AGTPBP1: variants seen among roughly 807,000 people sequenced by gnomAD.
AGTPBP1 encodes the protein ATP/GTP binding carboxypeptidase 1, also known as cytosolic carboxypeptidase 1.
Under a neutral mutation model 143.9 loss-of-function variants are expected in AGTPBP1, and 70 were observed. That is an observed-to-expected ratio of 0.49 (90% CI 0.40 to 0.59). AGTPBP1 has a LOEUF of 0.59. Among genes scored for constraint, AGTPBP1 ranks in the 20% least tolerant of loss-of-function variants. AGTPBP1 has a pLI of 0.00. For missense variants in AGTPBP1, 1,229 were observed against 1,464.5 expected (o/e 0.84, Z 2.62); for synonymous variants, 463 against 500.2 (o/e 0.93, Z 0.99).
chr9:85,689,925 A>AATATATATATATATATATATATATATAT (rs1554726691), intron 3 of AGTPBP1, among the ~76,000 whole-genome samples: 1 of 72,510 alleles, frequency 1.4e-5, no homozygotes, highest in Non-Finnish European at 2.4e-5. Context: ...AAAAAAAAAA[A>AATATATATATATATATATATATATATAT]ATATATATAT....
chr9:85,793,000 T>C, the AGTPBP1 span, among the ~76,000 whole-genome samples: 2 of 152,178 alleles, frequency 1.3e-5, no homozygotes, highest in African/African-American at 2.4e-5. Context: ...TAGTTATGTA[T>C]GTTTCAACAG....
chr9:85,625,567 T>G (rs1428165317), intron 14 of AGTPBP1, among the ~76,000 whole-genome samples: 1 of 152,174 alleles, frequency 6.6e-6, no homozygotes, highest in Non-Finnish European at 1.5e-5. Context: ...AAAGTGTAAT[T>G]TATAATAAAA....
intron 3 of AGTPBP1, among the ~76,000 whole-genome samples, chr9:85,689,925 A>AATATATATATATATATAT (rs1554726691): frequency 1.1e-4 from 8 of 72,500 alleles, no homozygotes; most frequent in African/African-American, 5.5e-4. Flanking sequence ...AAAAAAAAAA[A>AATATATATATATATATAT]ATATATATAT....
At position 85,633,320 on chromosome 9, in the gene AGTPBP1, G is replaced by A. The variant is rs1831814019; in HGVS notation, c.1357C>T (p.Arg453Cys). ...PKPFVFEGKV[R>C]GPIVVPTAGE... is the part of the protein sequence containing the mutation. The stretch of plus-strand genomic sequence containing the variant: ...GCCGTAGGAACAACAATAGGACCAC[G>A]TACTTTTCCCTCAAATACAAAAGGC... The change falls in exon 14 of 26, where the codon CGT becomes TGT. Residue 453 changes from arginine to cysteine, a missense_variant. By Grantham distance (180) the Arg-to-Cys change is radical. Coordinates refer to ENST00000357081, the MANE Select transcript of AGTPBP1 (RefSeq NM_001330701.2). 1.2e-6 allele frequency: 2 copies of A among 1,600,512 alleles called. No individual in the cohort carries two copies. Among genetic ancestry groups the A allele is most frequent in the Non-Finnish European group, 1.7e-6 (2 of 1,176,604 alleles).
chr9:85,578,489 A>G (rs1236938523), intron 24 of AGTPBP1, among the ~76,000 whole-genome samples: 19 of 152,326 alleles, frequency 1.2e-4, no homozygotes, highest in Non-Finnish European at 2.4e-4. Flanking sequence ...AATAATAGCT[A>G]CACATACAAA....
intron 2 of AGTPBP1, among the ~76,000 whole-genome samples, chr9:85,699,372 A>G (rs945649362): frequency 6.6e-6 from 1 of 152,180 alleles, no homozygotes; most frequent in East Asian, 1.9e-4. Flanking sequence ...GCTTATATTC[A>G]ATCTTGGAGC....
intron 25 of AGTPBP1, among the ~76,000 whole-genome samples, chr9:85,573,074 C>T (rs1021206053): frequency 6.6e-6 from 1 of 151,654 alleles, no homozygotes; most frequent in Admixed American, 6.6e-5. Context: ...TGAACTCCCT[C>T]TCCCTCTCCC....
At chr9:85,600,373 G>A (rs1439382874) in intron 17 of AGTPBP1, among the ~76,000 whole-genome samples, 1 of 152,024 alleles carries the variant, frequency 6.6e-6, no homozygotes, top group East Asian at 1.9e-4. Flanking sequence ...ACAGAGGAGG[G>A]GCTTCAAGAT....
chr9:85,717,863 G>A (rs1587968603), intron 1 of AGTPBP1, among the ~76,000 whole-genome samples: 1 of 151,516 alleles, frequency 6.6e-6, no homozygotes. Flanking sequence ...GGAGTGTGAT[G>A]TTCCCCGCCC....
intron 12 of AGTPBP1, among the ~76,000 whole-genome samples, chr9:85,643,878 AAG>A (rs1161884657): frequency 6.6e-6 from 1 of 152,200 alleles, no homozygotes; most frequent in African/African-American, 2.4e-5. Flanking sequence ...GTTATGGCTG[AAG>A]AGAGATAATA....
intron 1 of AGTPBP1, among the ~76,000 whole-genome samples, chr9:85,714,134 A>G (rs1449167996): frequency 1.3e-5 from 2 of 152,270 alleles, no homozygotes; most frequent in Non-Finnish European, 2.9e-5. Flanking sequence ...CTTGCAGTTC[A>G]CAGTAAAATA....
intron 2 of AGTPBP1, among the ~76,000 whole-genome samples, chr9:85,706,645 C>T (rs1261690111): frequency 2.6e-5 from 4 of 151,416 alleles, no homozygotes; most frequent in Non-Finnish European, 5.9e-5. Flanking sequence ...CTGAGGCGGG[C>T]GGATCACGAC....
At chr9:85,695,534 T>C (rs1405487426) in intron 2 of AGTPBP1, among the ~76,000 whole-genome samples, 1 of 152,134 alleles carries the variant, frequency 6.6e-6, no homozygotes, top group Admixed American at 6.5e-5. Context: ...TGCAGCAAAA[T>C]GAAGGCAGTG....
At chr9:85,719,214 T>G (rs1192499595) in intron 1 of AGTPBP1, among the ~76,000 whole-genome samples, 1 of 152,206 alleles carries the variant, frequency 6.6e-6, no homozygotes, top group African/African-American at 2.4e-5. Context: ...AAGTCATCGG[T>G]AGCTTGATGG....
At chr9:85,615,261 C>T (rs907735037) in intron 17 of AGTPBP1, among the ~76,000 whole-genome samples, 3 of 152,212 alleles carry the variant, frequency 2.0e-5, no homozygotes, top group African/African-American at 4.8e-5. Flanking sequence ...CACTGTAGTA[C>T]CCATTTTCCC....
chr9:85,658,875 A>T (rs1031728277), intron 9 of AGTPBP1, among the ~76,000 whole-genome samples: 4 of 152,158 alleles, frequency 2.6e-5, no homozygotes, highest in African/African-American at 9.7e-5. Context: ...GGCTGTGGCT[A>T]TTTACAAAAT....
Position 85,696,030 on chromosome 9 carries a change from C to T in AGTPBP1, c.33-3217G>A, listed in dbSNP as rs560889866. On this transcript the variant is annotated intron_variant, in intron 2 of 25. Coordinates refer to ENST00000357081, the MANE Select transcript of AGTPBP1 (RefSeq NM_001330701.2). ...CTAATTTTTATATTTTTAGTAGAGA[C>T]GGGGTTTCACCACGTTGGTCAGGCT... Among the ~76,000 whole-genome samples, 8 of 151,888 alleles carry T rather than the reference C, an allele frequency of 5.3e-5. 1 individual carries two copies. The highest frequency in any genetic ancestry group is 1.9e-4 in the East Asian group (1 of 5,144).
intron 19 of AGTPBP1, among the ~76,000 whole-genome samples, chr9:85,590,660 G>T (rs1367918451): frequency 1.3e-5 from 2 of 152,254 alleles, no homozygotes; most frequent in East Asian, 3.9e-4. Context: ...GTAATAAGGG[G>T]AGGGGAGCCT....
chr9:85,651,354 T>C (rs968044108), intron 11 of AGTPBP1, among the ~76,000 whole-genome samples: 3 of 152,246 alleles, frequency 2.0e-5, no homozygotes, highest in African/African-American at 7.2e-5. Context: ...ATTTGGATTA[T>C]TTGTATAATT....
Sources: allele counts gnomAD v4.1 joint callset (sites outside exome capture counted in the v4.1 genomes callset), GRCh38; gene constraint gnomAD v4.1.1; transcripts MANE v1.5; gene names NCBI Gene and HGNC (gene_info 2026-07-23, HGNC 2026-07-21).